DGKD: variants seen among roughly 807,000 people sequenced by gnomAD.
DGKD encodes the protein diacylglycerol kinase delta, also known as DAG kinase delta.
DGKD carries 68 observed loss-of-function variants against 154.4 expected under a neutral mutation model. The observed-to-expected ratio is 0.44, with a 90% CI of 0.36 to 0.54. The LOEUF (loss-of-function observed/expected upper bound fraction) is 0.54. DGKD is among the 20% of genes least tolerant of loss of function. The pLI is 0.00. For synonymous variants in DGKD, 693 were observed against 638.0 expected (o/e 1.09, Z -1.30); for missense variants, 1,343 against 1,593.6 (o/e 0.84, Z 2.68).
chr2:233,386,452 C>T (rs759762509), intron 1 of DGKD, among the ~76,000 whole-genome samples: 6 of 148,228 alleles, frequency 4.0e-5, no homozygotes, highest in Admixed American at 2.1e-4. Flanking sequence ...CTACCAGAAT[C>T]GGGGTGGGAC....
chr2:233,425,836 T>A (rs1017423065), intron 3 of DGKD, among the ~76,000 whole-genome samples: 2 of 152,250 alleles, frequency 1.3e-5, no homozygotes, highest in African/African-American at 4.8e-5. Flanking sequence ...TTTGTCTTTA[T>A]AGTGAATGCC....
chr2:233,403,671 G>A (rs904521109), intron 3 of DGKD, among the ~76,000 whole-genome samples: 2 of 149,328 alleles, frequency 1.3e-5, no homozygotes, highest in Non-Finnish European at 3.0e-5. Context: ...ATGGAGTCTC[G>A]CTCTGTTGCC....
At chr2:233,430,443 T>A (rs1319765541) in intron 3 of DGKD, among the ~76,000 whole-genome samples, 1 of 152,132 alleles carries the variant, frequency 6.6e-6, no homozygotes, top group Non-Finnish European at 1.5e-5. Flanking sequence ...GGATATGTAA[T>A]TAAATGGAAA....
intron 10 of DGKD, among the ~76,000 whole-genome samples, chr2:233,443,390 C>T (rs187199789): frequency 6.6e-6 from 1 of 152,114 alleles, no homozygotes; most frequent in Admixed American, 6.5e-5. Context: ...ATTATTGTTA[C>T]ATTAACTTCT....
intron 2 of DGKD, among the ~76,000 whole-genome samples, chr2:233,389,908 G>T (rs781533249): frequency 7.9e-5 from 12 of 152,084 alleles, no homozygotes; most frequent in Non-Finnish European, 1.3e-4. Context: ...CTTTCCATTT[G>T]GACCTGTCTC....
intron 1 of DGKD, among the ~76,000 whole-genome samples, chr2:233,358,968 A>G (rs909438205): frequency 6.6e-6 from 1 of 152,210 alleles, no homozygotes; most frequent in African/African-American, 2.4e-5. Flanking sequence ...TTTTCCAGCT[A>G]AAAAGCTGCC....
At chr2:233,409,261 C>T (rs1478861461) in intron 3 of DGKD, among the ~76,000 whole-genome samples, 1 of 152,130 alleles carries the variant, frequency 6.6e-6, no homozygotes, top group African/African-American at 2.4e-5. Flanking sequence ...ACAAGTGTAG[C>T]GTACTTGTTA....
intron 3 of DGKD, among the ~76,000 whole-genome samples, chr2:233,409,248 T>G (rs543284259): frequency 6.6e-6 from 1 of 152,372 alleles, no homozygotes; most frequent in Non-Finnish European, 1.5e-5. Context: ...TTAATTTTTA[T>G]GAACAAGTGT....
rs1243529182 is a variant in DGKD, at chr2:233,445,088, G to A, written c.1195-535G>A. On this transcript the variant is annotated intron_variant, in intron 10 of 29. Transcript: ENST00000264057. The surrounding 1 kb of genome is among the most constrained non-coding windows in gnomAD (Gnocchi z 5.5). ...GGCAGGCGGGCAGAGGCTGAGCTCT[G>A]GCAAGGCTCCAGGGTAGCCTCCAGA... Among the ~76,000 whole-genome samples the A allele has an allele frequency of 6.6e-6, 1 of 152,170 alleles. No individual in the cohort carries two copies.
chr2:233,460,599 G>A (rs2124931698), intron 24 of DGKD, among the ~76,000 whole-genome samples: 1 of 152,262 alleles, frequency 6.6e-6, no homozygotes, highest in Non-Finnish European at 1.5e-5. Context: ...TTTAAAACCT[G>A]CCCGGGCTCA....
At position 233,426,337 on chromosome 2, in the gene DGKD, A is replaced by G. The variant is rs1398290627; in HGVS notation, c.349-8043A>G. Reference sequence around the variant, plus strand: ...GGTTATGTGTTTTTGAGAAATCCCAAGTTCTGTATCCTTTTTGACTGAGGT... The same window carrying G: ...GGTTATGTGTTTTTGAGAAATCCCAGGTTCTGTATCCTTTTTGACTGAGGT... On this transcript the variant is annotated intron_variant, in intron 3 of 29. Coordinates refer to ENST00000264057, the MANE Select transcript of DGKD (RefSeq NM_152879.3). Among the ~76,000 whole-genome samples, 3 of 152,138 alleles carry G rather than the reference A, an allele frequency of 2.0e-5. No homozygotes were observed. The East Asian group carries it at 5.8e-4, about 29-fold the overall frequency.
Position 233,459,924 on chromosome 2 carries a change from G to A in DGKD, c.2829+33G>A, listed in dbSNP as rs781109994. The A allele has an allele frequency of 3.1e-6, 5 of 1,607,380 alleles. No individual in the cohort carries two copies. The highest frequency in any genetic ancestry group is 3.4e-5 in the Admixed American group (2 of 59,476). ...CGGCTGCCCGCGGTACCTGGGTGGG[G>A]TACAGGGCTCACCTGTGGGCTCTTG... On this transcript the variant is annotated intron_variant, in intron 23 of 29. Coordinates refer to ENST00000264057, the MANE Select transcript of DGKD (RefSeq NM_152879.3). The surrounding 1 kb of genome is among the most constrained non-coding windows in gnomAD (Gnocchi z 5.7).
chr2:233,437,187 A>C (rs1180198672), intron 7 of DGKD, among the ~76,000 whole-genome samples, 190 bp from the exon 8 acceptor site: 1 of 152,180 alleles, frequency 6.6e-6, no homozygotes, highest in Non-Finnish European at 1.5e-5. Context: ...TGCCTTCTCA[A>C]GTGCAAAGCC....
chr2:233,451,655 C>T (rs1437337758), intron 17 of DGKD, among the ~76,000 whole-genome samples: 2 of 151,564 alleles, frequency 1.3e-5, no homozygotes, highest in Non-Finnish European at 2.9e-5. Context: ...GCAGCTTGAC[C>T]TCCTGGACTC....
At chr2:233,455,894 T>C (rs1208194427) in intron 19 of DGKD, among the ~76,000 whole-genome samples, 1 of 152,206 alleles carries the variant, frequency 6.6e-6, no homozygotes, top group East Asian at 1.9e-4. Context: ...AGAAAATGGC[T>C]CAGGGGCCCC....
At chr2:233,442,394 G>T in intron 10 of DGKD, 1 of 300,876 alleles carries the variant, frequency 3.3e-6, no homozygotes, top group African/African-American at 2.1e-5. Context: ...ATTGGACTTA[G>T]TTTTTTGTAT....
chr2:233,442,131 G>T, intron 10 of DGKD, 136 bp downstream of exon 10: 1 of 865,616 alleles, frequency 1.2e-6, no homozygotes. Flanking sequence ...TGGGGAGTGT[G>T]CAGTTTGGTG....
At chr2:233,439,118 T>G (rs1261671381) in intron 9 of DGKD, among the ~76,000 whole-genome samples, 2 of 152,264 alleles carry the variant, frequency 1.3e-5, no homozygotes, top group African/African-American at 4.8e-5. Flanking sequence ...TTTTGCCATT[T>G]GAATGAATTT....
rs1219942720 is a variant in DGKD at position 233,441,782 on chromosome 2, G to A, written c.1086-105G>A. On this transcript the variant is annotated intron_variant, in intron 9 of 29. Coordinates refer to ENST00000264057, the MANE Select transcript of DGKD (RefSeq NM_152879.3). This position sits in a 1 kb window ranked among gnomAD's most constrained non-coding sequence, Gnocchi z 5.6. ...TGTGCGTGCTCTGCCTCTGGTGCAG[G>A]TCAGCCATGAGGAGCACAGGTGGCC... The A allele has an allele frequency of 4.8e-6, 5 of 1,032,024 alleles. No homozygotes were observed. In the African/African-American group the frequency reaches 7.9e-5, roughly 16 times the overall value. The allele number at this position is 1,032,024 out of a possible 1,614,324, so 63.9% of individuals were successfully genotyped here.
Sources: allele counts gnomAD v4.1 joint callset (sites outside exome capture counted in the v4.1 genomes callset), GRCh38; gene constraint gnomAD v4.1.1; non-coding constraint Gnocchi (gnomAD v3.1); transcripts MANE v1.5; gene names NCBI Gene and HGNC (gene_info 2026-07-23, HGNC 2026-07-21).